Variants in SLC25A48 observed in about 807,000 individuals in gnomAD.
SLC25A48 encodes solute carrier family 25 member 48, also known as CTC-321K16.1.
Under a neutral mutation model 32.2 loss-of-function variants are expected in SLC25A48, and 29 were observed. The ratio of observed to expected loss-of-function variants is 0.90; its 90% confidence interval spans 0.67 to 1.23. The LOEUF (loss-of-function observed/expected upper bound fraction) is 1.23. Among genes scored for constraint, SLC25A48 ranks in the 50% most tolerant of loss-of-function variants. The probability of loss-of-function intolerance (pLI) is 0.00; values close to 1 mark genes in which losing one functional copy is unlikely to be tolerated. For synonymous variants in SLC25A48, 164 were observed against 172.3 expected (o/e 0.95, Z 0.38); for missense variants, 399 against 422.7 (o/e 0.94, Z 0.49).
chr5:135,787,752 G>A (rs934840516), intron 3 of SLC25A48, among the ~76,000 whole-genome samples: 2 of 151,772 alleles, frequency 1.3e-5, no homozygotes, highest in Non-Finnish European at 2.9e-5. Flanking sequence ...GTCACAGGAG[G>A]TGTACACGCT....
At chr5:135,699,653 A>G (rs1021895467) in intron 3 of SLC25A48, among the ~76,000 whole-genome samples, 3 of 152,224 alleles carry the variant, frequency 2.0e-5, no homozygotes, top group South Asian at 4.2e-4. Context: ...TATGTGTAAC[A>G]TGTTCTATAT....
At chr5:135,580,694 A>T (rs1751211980) in intron 1 of SLC25A48, among the ~76,000 whole-genome samples, 1 of 152,128 alleles carries the variant, frequency 6.6e-6, no homozygotes, top group Non-Finnish European at 1.5e-5. Context: ...ATTTTTTAAA[A>T]TATAGAAACA....
At chr5:135,883,591 C>G (rs1762619269) in intron 7 of SLC25A48, 3 of 627,372 alleles carry the variant, frequency 4.8e-6, no homozygotes, top group African/African-American at 2.0e-5. Context: ...AGGAGAGAAA[C>G]TGAGCCGGGG....
intron 1 of SLC25A48, among the ~76,000 whole-genome samples, chr5:135,841,716 G>C (rs985905816): frequency 6.7e-6 from 1 of 149,376 alleles, no homozygotes; most frequent in Non-Finnish European, 1.5e-5. Context: ...TGGGTGGGGG[G>C]TATAAAACAG....
chr5:135,833,741 G>A (rs1330922795), upstream of SLC25A48, among the ~76,000 whole-genome samples: 5 of 152,310 alleles, frequency 3.3e-5, no homozygotes, highest in East Asian at 9.7e-4. Flanking sequence ...GCTGCAGGAA[G>A]GTCCCTTCAC....
intron 3 of SLC25A48, among the ~76,000 whole-genome samples, chr5:135,790,594 A>G (rs1170334486): frequency 6.7e-6 from 1 of 149,956 alleles, no homozygotes; most frequent in East Asian, 2.0e-4. Context: ...ACCATATGTG[A>G]TGTTATTTGT....
In SLC25A48 at chr5:135,619,056, T is replaced by A. The variant is rs115558632; in HGVS notation, c.-848-10181T>A. 1.3e-3 allele frequency among the ~76,000 whole-genome samples: 191 copies of A among 152,260 alleles called. 2 individuals are homozygous for A. The highest frequency in any genetic ancestry group is 4.5e-3 in the African/African-American group (188 of 41,582). On this transcript the variant is annotated intron_variant, in intron 1 of 10. Coordinates refer to the SLC25A48 transcript ENST00000646290. ...AAATCTCTGGCTAGACTTGAGATAT[T>A]TTCATCTTTTGCTTTATTTAACAAA...
At chr5:135,746,276 C>T (rs1348355644) in intron 3 of SLC25A48, 1 of 168,402 alleles carries the variant, frequency 5.9e-6, no homozygotes, top group Non-Finnish European at 1.3e-5. Flanking sequence ...GTAGCCCCCA[C>T]TCCAGAAGTG....
intron 1 of SLC25A48, among the ~76,000 whole-genome samples, chr5:135,615,502 C>T (rs1463395592): frequency 6.6e-6 from 1 of 152,144 alleles, no homozygotes; most frequent in Non-Finnish European, 1.5e-5. Context: ...TTCTAAGCAG[C>T]AAAGCATTTA....
intron 4 of SLC25A48, among the ~76,000 whole-genome samples, chr5:135,857,260 T>C (rs939677364): frequency 6.6e-6 from 1 of 152,174 alleles, no homozygotes; most frequent in Non-Finnish European, 1.5e-5. Context: ...CCCTGAGTGA[T>C]AGGGGATTCT....
At chr5:135,650,254 C>T (rs983514145) in intron 3 of SLC25A48, 50 of 363,430 alleles carry the variant, frequency 1.4e-4, no homozygotes, top group African/African-American at 1.0e-3. Flanking sequence ...CTCTAAGCCA[C>T]ACACTGTAGA....
intron 1 of SLC25A48, among the ~76,000 whole-genome samples, chr5:135,581,130 C>T (rs1293826267): frequency 6.6e-6 from 1 of 152,168 alleles, no homozygotes; most frequent in African/African-American, 2.4e-5. Flanking sequence ...TGAGATAGTG[C>T]ATGTAATGCT....
chr5:135,595,180 C>T (rs1298104180), intron 1 of SLC25A48, among the ~76,000 whole-genome samples: 2 of 152,222 alleles, frequency 1.3e-5, no homozygotes, highest in African/African-American at 4.8e-5. Context: ...TATGAACCCC[C>T]CTCTCCCTTA....
At chr5:135,678,237 G>T (rs1028935439) in intron 3 of SLC25A48, among the ~76,000 whole-genome samples, 17 of 151,750 alleles carry the variant, frequency 1.1e-4, no homozygotes, top group African/African-American at 3.4e-4. Context: ...CTTTAGTTTT[G>T]CCTGACTGGG....
chr5:135,655,400 G>A (rs1753219130), intron 3 of SLC25A48, among the ~76,000 whole-genome samples: 1 of 152,194 alleles, frequency 6.6e-6, no homozygotes, highest in Non-Finnish European at 1.5e-5. Flanking sequence ...AGCTAGAAAA[G>A]GATTCATTTC....
At chr5:135,673,192 A>G (rs1318936791) in intron 3 of SLC25A48, among the ~76,000 whole-genome samples, 1 of 152,210 alleles carries the variant, frequency 6.6e-6, no homozygotes, top group African/African-American at 2.4e-5. Context: ...ATGCACATTT[A>G]TGCCTAAATC....
At chr5:135,767,982 C>T (rs1756290470) in intron 3 of SLC25A48, among the ~76,000 whole-genome samples, 2 of 147,112 alleles carry the variant, frequency 1.4e-5, no homozygotes, top group South Asian at 2.2e-4. Flanking sequence ...TAATATTACT[C>T]CCAATATCAC....
intron 4 of SLC25A48, among the ~76,000 whole-genome samples, chr5:135,864,819 A>C (rs555421581): frequency 2.6e-5 from 4 of 152,372 alleles, no homozygotes; most frequent in African/African-American, 9.6e-5. Context: ...TATTTAAAGC[A>C]ATTGACAACA....
Position 135,874,085 on chromosome 5 carries a change from G to C in SLC25A48, c.744G>C (p.Gly248=). ...DVVKSRLQAD[G]VYLNKYKGVL... ...TGAAAAGTCGACTCCAAGCTGATGG[G>C]GTTTATTTAAACAAATATAAAGGTG... The change falls in exon 6 of 8, where the codon GGG becomes GGC. Residue 248 remains glycine, a synonymous_variant. Transcript: ENST00000681962. 1 of 1,525,388 alleles carries C rather than the reference G, an allele frequency of 6.6e-7. No individual in the cohort carries two copies. The allele number at this position is 1,525,388 out of a possible 1,614,324, so 94.5% of individuals were successfully genotyped here.
Sources: gnomAD v4.1 joint callset for allele counts (sites outside exome capture counted in the v4.1 genomes callset) on GRCh38, gnomAD v4.1.1 for gene constraint, MANE v1.5 for transcripts, NCBI Gene and HGNC (gene_info 2026-07-23, HGNC 2026-07-21) for gene names.